LRGUK: variants seen among roughly 807,000 people sequenced by gnomAD.
LRGUK encodes the protein leucine-rich repeat and guanylate kinase domain-containing protein.
LRGUK carries 65 observed loss-of-function variants against 76.0 expected under a neutral mutation model. The ratio of observed to expected loss-of-function variants is 0.85; its 90% confidence interval spans 0.70 to 1.05. The LOEUF is 1.05. Ranked by LOEUF, LRGUK falls within the 50% of genes least tolerant of loss-of-function variation. The pLI, the probability that LRGUK is intolerant of heterozygous loss-of-function variation, is 0.00. For missense variants in LRGUK, 758 were observed against 732.8 expected (o/e 1.03, Z -0.40); for synonymous variants, 268 against 265.6 (o/e 1.01, Z -0.09).
chr7:134,142,958 C>T, intron 3 of LRGUK, 104 bp from the exon 4 acceptor site: 2 of 624,354 alleles, frequency 3.2e-6, no homozygotes. Context: ...GTCTTTGCAA[C>T]TGTTATAATT....
the LRGUK span, among the ~76,000 whole-genome samples, chr7:134,274,040 C>T: frequency 6.6e-6 from 1 of 152,166 alleles, no homozygotes. Flanking sequence ...CTTCCACAAG[C>T]AGCACTGTCC....
chr7:134,237,813 A>C (rs1006482902), intron 16 of LRGUK, among the ~76,000 whole-genome samples: 2 of 152,168 alleles, frequency 1.3e-5, no homozygotes, highest in African/African-American at 4.8e-5. Context: ...TAGTATTTCC[A>C]ATTCAAATTC....
chr7:134,266,739 T>A (rs577688128), downstream of LRGUK, among the ~76,000 whole-genome samples: 250 of 152,166 alleles, frequency 1.6e-3, 1 homozygote, highest in African/African-American at 5.4e-3. Context: ...ATATTTTTTT[T>A]AAAAATGACC....
At chr7:134,206,390 C>T (rs1801009457) in intron 15 of LRGUK, among the ~76,000 whole-genome samples, 1 of 152,080 alleles carries the variant, frequency 6.6e-6, no homozygotes, top group African/African-American at 2.4e-5. Flanking sequence ...TGGTGCGTGC[C>T]TGTAATCCCG....
chr7:134,240,150 C>G (rs1802107501), intron 16 of LRGUK, among the ~76,000 whole-genome samples: 1 of 152,222 alleles, frequency 6.6e-6, no homozygotes, highest in African/African-American at 2.4e-5. Flanking sequence ...ACCTTTTCTC[C>G]TCCAAAGGAA....
At position 134,248,924 on chromosome 7, in the gene LRGUK, T is replaced by G. The variant is rs775280131; in HGVS notation, c.2073-27T>G. 1.4e-5 allele frequency: 20 copies of G among 1,428,452 alleles called. No homozygotes were observed. In the South Asian group the frequency reaches 2.1e-4, roughly 15 times the overall value. The allele number at this position is 1,428,452 out of a possible 1,614,324, so 88.5% of individuals were successfully genotyped here. On this transcript the variant is annotated intron_variant, in intron 17 of 19. Coordinates refer to the LRGUK transcript ENST00000285928. ...TATCTTTACAAAATCCTTTGGTTTT[T>G]TTTTTTTTTTAAATTTCCCATTCCA...
intron 15 of LRGUK, among the ~76,000 whole-genome samples, chr7:134,221,096 TC>T (rs538115416): frequency 3.9e-5 from 6 of 152,198 alleles, no homozygotes; most frequent in Non-Finnish European, 8.8e-5. Context: ...AGTATTTTTT[TC>T]ATCTTTGGGT....
In LRGUK at chr7:134,127,718, C is replaced by G. The variant is rs899667901; in HGVS notation, c.297+54C>G. The G allele has an allele frequency of 1.9e-6, 3 of 1,539,094 alleles. No homozygotes were observed. The Admixed American group carries it at 5.8e-5, about 30-fold the overall frequency. ...CTGGCTCCCTCGTCCAGCCCTGTTA[C>G]TTCAGCGGCAGCTCCCCGATGCACC... On this transcript the variant is annotated intron_variant, in intron 1 of 15. Coordinates refer to ENST00000645682, the Ensembl canonical transcript of LRGUK.
At position 134,255,876 on chromosome 7, in the gene LRGUK, C is replaced by A. The variant is rs539959889; in HGVS notation, c.2199-2381C>A. Among the ~76,000 whole-genome samples, 10 of 152,134 alleles carry A rather than the reference C, an allele frequency of 6.6e-5. No homozygotes were observed. The South Asian group carries it at 1.2e-3, about 19-fold the overall frequency. On this transcript the variant is annotated intron_variant, in intron 18 of 19. Transcript: ENST00000285928. Reference sequence around the variant, plus strand: ...GCATGATTCCTTGCCGAGGTCCTACCAATATCTGAGGGCATCCAGTGATGA... The same window carrying A: ...GCATGATTCCTTGCCGAGGTCCTACAAATATCTGAGGGCATCCAGTGATGA...
intron 19 of LRGUK, among the ~76,000 whole-genome samples, chr7:134,263,245 A>G (rs1563204308): frequency 6.6e-6 from 1 of 151,464 alleles, no homozygotes. Flanking sequence ...TGCTTCTGCT[A>G]TGGCCACCAT....
chr7:134,200,314 G>A (rs1440524809), intron 14 of LRGUK, among the ~76,000 whole-genome samples: 1 of 151,768 alleles, frequency 6.6e-6, no homozygotes, highest in Non-Finnish European at 1.5e-5. Context: ...TGGGATTACA[G>A]GCGTGAGCCA....
At chr7:134,221,833 C>T (rs764953610) in exon 16 of LRGUK, 15 of 1,600,276 alleles carry the variant, frequency 9.4e-6, no homozygotes, top group South Asian at 3.4e-5. Context: ...TATATTTCTT[C>T]GAATATGGGT....
chr7:134,206,783 A>G (rs563297575), intron 15 of LRGUK, among the ~76,000 whole-genome samples: 10 of 152,258 alleles, frequency 6.6e-5, no homozygotes, highest in African/African-American at 2.2e-4. Flanking sequence ...GGGATAGTCA[A>G]TGCTTCCAGC....
At chr7:134,194,323 C>T (rs1397946167) in intron 12 of LRGUK, among the ~76,000 whole-genome samples, 1 of 151,820 alleles carries the variant, frequency 6.6e-6, no homozygotes, top group Non-Finnish European at 1.5e-5. Flanking sequence ...GGTCCTTGTA[C>T]ATAAACAATA....
At chr7:134,191,551 T>A in intron 11 of LRGUK, 104 bp from the exon 12 acceptor site, 2 of 795,970 alleles carry the variant, frequency 2.5e-6, no homozygotes, top group Non-Finnish European at 4.2e-6. Context: ...TGATTTATGA[T>A]TTGTGGATTA....
chr7:134,178,194 G>C (rs2116998199), intron 9 of LRGUK, among the ~76,000 whole-genome samples: 1 of 152,104 alleles, frequency 6.6e-6, no homozygotes, highest in East Asian at 1.9e-4. Flanking sequence ...GAGGGGCTGT[G>C]GGTTTTTGTT....
At chr7:134,187,195 A>G (rs1052607436) in intron 11 of LRGUK, among the ~76,000 whole-genome samples, 2 of 152,106 alleles carry the variant, frequency 1.3e-5, no homozygotes, top group African/African-American at 4.8e-5. Flanking sequence ...AAAAAAAACC[A>G]AAGCACATTC....
intron 11 of LRGUK, among the ~76,000 whole-genome samples, chr7:134,186,402 T>C (rs1799980551): frequency 6.6e-6 from 1 of 152,224 alleles, no homozygotes; most frequent in Non-Finnish European, 1.5e-5. Flanking sequence ...CTGTAGCCCA[T>C]TGAGGGCAGG....
At chr7:134,220,924 C>T (rs1801576893) in intron 15 of LRGUK, among the ~76,000 whole-genome samples, 1 of 152,206 alleles carries the variant, frequency 6.6e-6, no homozygotes, top group South Asian at 2.1e-4. Context: ...CCTCTCATAC[C>T]ATGTATTCAA....
Sources: gnomAD v4.1 joint callset for allele counts (sites outside exome capture counted in the v4.1 genomes callset) on GRCh38, gnomAD v4.1.1 for gene constraint, MANE v1.5 for transcripts, NCBI Gene and HGNC (gene_info 2026-07-23, HGNC 2026-07-21) for gene names.